MLXIPL: variants seen among roughly 807,000 people sequenced by gnomAD.
MLXIPL encodes MLX interacting protein like.
In MLXIPL, 49 loss-of-function variants were observed where a neutral mutation model predicts 81.5. That is an observed-to-expected ratio of 0.60 (90% CI 0.48 to 0.76). The LOEUF (loss-of-function observed/expected upper bound fraction) is 0.76. Among genes scored for constraint, MLXIPL ranks in the 30% least tolerant of loss-of-function variants. The probability of loss-of-function intolerance (pLI) is 0.00; values close to 1 mark genes in which losing one functional copy is unlikely to be tolerated. For synonymous variants in MLXIPL, 466 were observed against 485.5 expected (o/e 0.96, Z 0.53); for missense variants, 1,053 against 1,167.0 (o/e 0.90, Z 1.42).
Position 73,596,628 on chromosome 7 carries a change from CCT to C in MLXIPL, c.1822+9_1822+10del, listed in dbSNP as rs782040036. 1.2e-6 allele frequency: 2 copies of C among 1,601,492 alleles called. No homozygotes were observed. The highest frequency in any genetic ancestry group is 1.1e-5 in the South Asian group (1 of 89,456). On this transcript the variant is annotated intron_variant, in intron 11 of 16. Transcript: ENST00000313375. The surrounding 1 kb of genome is among the most constrained non-coding windows in gnomAD (Gnocchi z 4.7). Reference sequence around the variant, plus strand: ...CTAGATTCCCCCAATCCCTGCAACCCCTCTCTTTACCGCTGGGCGCTGGGGGT... The same window carrying C: ...CTAGATTCCCCCAATCCCTGCAACCCCTCTTTACCGCTGGGCGCTGGGGGT...
chr7:73,624,527 C>G (rs782015707), upstream of MLXIPL: 10 of 1,505,676 alleles, frequency 6.6e-6, no homozygotes, highest in East Asian at 2.3e-4. Context: ...GTCCCTGCTC[C>G]GCGCAGCGCG....
chr7:73,614,365 C>CT (rs1795877162), intron 2 of MLXIPL, among the ~76,000 whole-genome samples: 1 of 152,166 alleles, frequency 6.6e-6, no homozygotes, highest in Admixed American at 6.6e-5. Context: ...AGTTGCTCAT[C>CT]CATAACATGG....
the MLXIPL span, among the ~76,000 whole-genome samples, chr7:73,647,630 T>C: frequency 3.9e-5 from 6 of 152,162 alleles, no homozygotes; most frequent in African/African-American, 7.2e-5. Flanking sequence ...CACATAAGCC[T>C]ATGAACCCCT....
chr7:73,613,497 G>A (rs555716519), intron 2 of MLXIPL, among the ~76,000 whole-genome samples: 4 of 152,262 alleles, frequency 2.6e-5, no homozygotes, highest in African/African-American at 9.6e-5. Flanking sequence ...TACTTGGGAG[G>A]CTGAGGCACA....
the MLXIPL span, among the ~76,000 whole-genome samples, chr7:73,635,705 CCCAT>C: frequency 2.4e-4 from 36 of 152,018 alleles, no homozygotes; most frequent in African/African-American, 7.0e-4. Context: ...TCTTTATCCA[CCCAT>C]CCATCCATCC....
At chr7:73,633,074 C>T in the MLXIPL span, among the ~76,000 whole-genome samples, 1 of 143,646 alleles carries the variant, frequency 7.0e-6, no homozygotes, top group South Asian at 2.2e-4. Context: ...AGCCACCCCA[C>T]CCTACCTTTT....
intron 2 of MLXIPL, among the ~76,000 whole-genome samples, chr7:73,613,007 A>G (rs114432166): frequency 0.011 from 1,696 of 152,250 alleles, 23 homozygotes; most frequent in African/African-American, 0.037. Context: ...CTCCCAGGAC[A>G]CCAAGACGAT....
At chr7:73,598,151 A>G (rs1554594984) in intron 8 of MLXIPL, among the ~76,000 whole-genome samples, 1 of 151,880 alleles carries the variant, frequency 6.6e-6, no homozygotes, top group African/African-American at 2.4e-5. Flanking sequence ...TCACCAATCC[A>G]TCCACTAACC....
chr7:73,629,927 G>A, the MLXIPL span, among the ~76,000 whole-genome samples: 1 of 152,002 alleles, frequency 6.6e-6, no homozygotes. Context: ...CACCTAGCAG[G>A]TCCGCAGGAT....
intron 5 of MLXIPL, 27 bp from the exon 6 acceptor site, chr7:73,606,138 G>A (rs781879695): frequency 5.8e-6 from 9 of 1,554,130 alleles, no homozygotes; most frequent in East Asian, 2.4e-5. Flanking sequence ...GTCAGCAGCC[G>A]CTAGAGAGCT....
chr7:73,602,070 A>ACCTGCCTGCCTGCCTTCCTGCCTG (rs1554596449), intron 7 of MLXIPL, among the ~76,000 whole-genome samples: 1 of 87,244 alleles, frequency 1.1e-5, no homozygotes, highest in African/African-American at 3.9e-5. Flanking sequence ...CTTGCTGTCC[A>ACCTGCCTGCCTGCCTTCCTGCCTG]CCTGCCTGCC....
chr7:73,596,595 C>G lies in MLXIPL; in HGVS notation c.1822+44G>C. On this transcript the variant is annotated intron_variant, in intron 11 of 16. Transcript: ENST00000313375. The surrounding 1 kb of genome is among the most constrained non-coding windows in gnomAD (Gnocchi z 4.7). ...TCCCCTTCTTCTTCCTCCTCTTCCC[C>G]TCATCCCCTAGATTCCCCCAATCCC... 1.2e-6 allele frequency: 2 copies of G among 1,602,754 alleles called. No homozygotes were observed. The highest frequency in any genetic ancestry group is 1.7e-6 in the Non-Finnish European group (2 of 1,175,074).
Position 73,624,431 on chromosome 7 carries a change from G to A in MLXIPL, c.62C>T (p.Pro21Leu). 4 of 1,560,054 alleles carry A rather than the reference G, an allele frequency of 2.6e-6. No homozygotes were observed. The highest frequency in any genetic ancestry group is 1.2e-5 in the South Asian group (1 of 86,554). The change falls in exon 1 of 17, where the codon CCA becomes CTA. Residue 21 changes from proline to leucine, a missense_variant. Around this residue, in one of 3 missense-constraint regions of MLXIPL, gnomAD observed 226 missense variants for 216.2 expected, o/e 1.05. Coordinates refer to ENST00000313375, the MANE Select transcript of MLXIPL (RefSeq NM_032951.3). The part of the protein sequence containing the change: ...GLQVPRVAPS[P>L]DSDSDTDSED... Reference sequence around the variant, plus strand: ...CGAGTCTGTGTCCGAGTCCGAGTCTGGGCTGGGCGCGACCCGCGGGACCTG... The same window carrying A: ...CGAGTCTGTGTCCGAGTCCGAGTCTAGGCTGGGCGCGACCCGCGGGACCTG...
chr7:73,609,596 A>G, intron 2 of MLXIPL: 1 of 144,928 alleles, frequency 6.9e-6, no homozygotes, highest in Non-Finnish European at 1.5e-5. Flanking sequence ...GTATGCTTGA[A>G]ACAAGGACTG....
chr7:73,621,126 T>G (rs1796322628), intron 1 of MLXIPL, among the ~76,000 whole-genome samples: 1 of 151,736 alleles, frequency 6.6e-6, no homozygotes, highest in Non-Finnish European at 1.5e-5. Context: ...GAGAGGGGGT[T>G]GAGAAAACCC....
At chr7:73,607,693 C>T in intron 2 of MLXIPL, 21 bp from the exon 3 acceptor site, 2 of 1,607,824 alleles carry the variant, frequency 1.2e-6, no homozygotes, top group Non-Finnish European at 1.7e-6. Context: ...GGGGCCAGGT[C>T]AGGGGCACCC....
chr7:73,630,573 G>A, the MLXIPL span, among the ~76,000 whole-genome samples: 7 of 152,286 alleles, frequency 4.6e-5, no homozygotes, highest in South Asian at 1.0e-3. Flanking sequence ...GATTACAGGC[G>A]TGTGCCACTG....
chr7:73,594,309 A>AC lies in MLXIPL; in HGVS notation c.2404_2405insG (p.Leu802ArgfsTer36). On this transcript the variant is annotated frameshift_variant, in exon 16 of 17. Coordinates refer to ENST00000313375, the MANE Select transcript of MLXIPL (RefSeq NM_032951.3). LOFTEE classifies it high-confidence loss of function. ...AGCGGGCAGAGAGCAGTACTGGTCC[A>AC]GCCAGGCCAGTGAGGTCTGGCGGAG... 1 of 1,612,172 alleles carries AC rather than the reference A, an allele frequency of 6.2e-7. No homozygotes were observed. The highest frequency in any genetic ancestry group is 8.5e-7 in the Non-Finnish European group (1 of 1,179,990).
Position 73,596,006 on chromosome 7 carries a change from G to A in MLXIPL, c.2059-37C>T, listed in dbSNP as rs781795379. On this transcript the variant is annotated intron_variant, in intron 13 of 16. Coordinates refer to ENST00000313375, the MANE Select transcript of MLXIPL (RefSeq NM_032951.3). The surrounding 1 kb of genome is among the most constrained non-coding windows in gnomAD (Gnocchi z 4.7). Reference sequence around the variant, plus strand: ...ACCAGGGGGGCTCAGGCAGGTGCTAGAGGCTGTACCCTGGGACCCACTGAG... The same window carrying A: ...ACCAGGGGGGCTCAGGCAGGTGCTAAAGGCTGTACCCTGGGACCCACTGAG... 47 of 1,610,274 alleles carry A rather than the reference G, an allele frequency of 2.9e-5. 1 individual carries two copies. The Admixed American group carries it at 5.5e-4, about 19-fold the overall frequency.
Sources: gnomAD v4.1 joint callset for allele counts (sites outside exome capture counted in the v4.1 genomes callset) on GRCh38, gnomAD v4.1.1 for gene constraint, gnomAD v4.1.1 regional missense constraint, Gnocchi (gnomAD v3.1) non-coding constraint, MANE v1.5 for transcripts, NCBI Gene and HGNC (gene_info 2026-07-23, HGNC 2026-07-21) for gene names.